Variants in CCDC33 observed in about 807,000 individuals in gnomAD.
CCDC33 encodes the protein coiled-coil domain-containing protein 33.
A neutral mutation model predicts 91.9 loss-of-function variants in CCDC33; 94 were observed. The observed-to-expected ratio is 1.02, with a 90% CI of 0.87 to 1.21. The LOEUF (loss-of-function observed/expected upper bound fraction) is 1.21. Among genes scored for constraint, CCDC33 ranks in the 50% most tolerant of loss-of-function variants. CCDC33 has a pLI of 0.00. For synonymous variants in CCDC33, 396 were observed against 374.5 expected (o/e 1.06, Z -0.66); for missense variants, 940 against 935.5 (o/e 1.00, Z -0.06).
intron 11 of CCDC33, among the ~76,000 whole-genome samples, chr15:74,306,013 T>A (rs1046644331): frequency 6.6e-6 from 1 of 152,198 alleles, no homozygotes; most frequent in East Asian, 1.9e-4. Context: ...CCGTCCACTT[T>A]GGCACTTTGC....
chr15:74,229,575 A>G (rs1408026492), intron 2 of CCDC33, among the ~76,000 whole-genome samples: 1 of 152,264 alleles, frequency 6.6e-6, no homozygotes. Context: ...GAGTTAACGT[A>G]TGTAAAACAC....
intron 11 of CCDC33, among the ~76,000 whole-genome samples, chr15:74,320,228 C>CA (rs1420776362): frequency 1.3e-5 from 2 of 152,164 alleles, no homozygotes; most frequent in Admixed American, 1.3e-4. Context: ...GGGCCTGCTC[C>CA]AGCTCTCTAG....
chr15:74,317,222 A>G (rs867275260), intron 11 of CCDC33, among the ~76,000 whole-genome samples: 1 of 152,234 alleles, frequency 6.6e-6, no homozygotes, highest in South Asian at 2.1e-4. Flanking sequence ...TTAGCCAGGC[A>G]TGGTGGCAGG....
chr15:74,330,810 G>A, intron 13 of CCDC33, 59 bp downstream of exon 13: 13 of 1,547,954 alleles, frequency 8.4e-6, no homozygotes, highest in Non-Finnish European at 1.2e-5. Flanking sequence ...GCATCGGGGT[G>A]AGAAGAGTCT....
At chr15:74,315,146 G>T (rs2060066775) in intron 11 of CCDC33, among the ~76,000 whole-genome samples, 1 of 152,234 alleles carries the variant, frequency 6.6e-6, no homozygotes, top group Admixed American at 6.5e-5. Flanking sequence ...CTCAGTGGAG[G>T]CCGTTGCAGG....
In CCDC33 at chr15:74,271,318, G is replaced by T. The variant is rs183178701; in HGVS notation, c.547-385G>T. 1.1e-4 allele frequency among the ~76,000 whole-genome samples: 16 copies of T among 152,172 alleles called. No individual in the cohort carries two copies. The East Asian group carries it at 3.1e-3, about 29-fold the overall frequency. ...TTGACTGACAGAAACCAAGGAGCTG[G>T]AACACCTAGCCCTACCCCTAGCCCA... On this transcript the variant is annotated intron_variant, in intron 5 of 18. Transcript: ENST00000398814.
At chr15:74,286,237 CTG>C (rs1324654078) in intron 10 of CCDC33, among the ~76,000 whole-genome samples, 2 of 152,152 alleles carry the variant, frequency 1.3e-5, no homozygotes, top group African/African-American at 4.8e-5. Flanking sequence ...CAGAGCAAGA[CTG>C]TGTCTCAAAA....
chr15:74,236,430 G>T lies in CCDC33; in HGVS notation c.-290G>T. 2.4e-6 allele frequency: 1 copy of T among 422,338 alleles called. No homozygotes were observed. The highest frequency in any genetic ancestry group is 4.2e-6 in the Non-Finnish European group (1 of 237,538). 26.2% of individuals were successfully genotyped at this position (422,338 alleles called of 1,614,324 possible). On this transcript the variant is annotated 5_prime_UTR_variant, in exon 1 of 19. Transcript: ENST00000398814. The stretch of plus-strand genomic sequence containing the variant: ...CCTCATTGCTGACCCTGTCCAGCTG[G>T]CCATGGCCCTCAACCCCCAAGGCCC...
chr15:74,227,723 A>G (rs1033193285), intron 2 of CCDC33, among the ~76,000 whole-genome samples: 1 of 152,228 alleles, frequency 6.6e-6, no homozygotes, highest in Non-Finnish European at 1.5e-5. Context: ...AAGGTTCAGT[A>G]GACAAACTTT....
intron 1 of CCDC33, among the ~76,000 whole-genome samples, chr15:74,243,034 C>T (rs1197093180): frequency 6.6e-6 from 1 of 152,220 alleles, no homozygotes; most frequent in Non-Finnish European, 1.5e-5. Context: ...TGTCTTCTCT[C>T]AGCAGCTCTC....
chr15:74,210,797 A>G (rs2074355214), intron 2 of CCDC33, among the ~76,000 whole-genome samples: 1 of 152,168 alleles, frequency 6.6e-6, no homozygotes, highest in Non-Finnish European at 1.5e-5. Flanking sequence ...AGTGACTTGG[A>G]AAAAGAGTGT....
chr15:74,246,904 T>C (rs1019379908), intron 2 of CCDC33, among the ~76,000 whole-genome samples: 1 of 152,184 alleles, frequency 6.6e-6, no homozygotes, highest in Admixed American at 6.5e-5. Context: ...CCCAGCACTT[T>C]GCGGGGCCGA....
intron 18 of CCDC33, 49 bp downstream of exon 18, chr15:74,335,137 G>T (rs765211483): frequency 7.1e-7 from 1 of 1,404,384 alleles, no homozygotes; most frequent in Non-Finnish European, 1.0e-6. Flanking sequence ...TGGTGGAGCA[G>T]GAAGCCACCG....
At chr15:74,234,532 C>T (rs2075084709), upstream of CCDC33, among the ~76,000 whole-genome samples, 1 of 152,128 alleles carries the variant, frequency 6.6e-6, no homozygotes, top group African/African-American at 2.4e-5. Flanking sequence ...GCTGGTGTCT[C>T]AGGGGTCCTT....
In CCDC33 at chr15:74,244,736, C is replaced by T. The variant is rs548281707; in HGVS notation, c.185+588C>T. On this transcript the variant is annotated intron_variant, in intron 2 of 18. Transcript: ENST00000398814. The surrounding 1 kb of genome is among the most constrained non-coding windows in gnomAD (Gnocchi z 4.2). The stretch of plus-strand genomic sequence containing the variant: ...CCACGCCACGTCTATGCCCACCTCA[C>T]GGGTCTCACTTCTTCCAGAAAGGCG... Among the ~76,000 whole-genome samples the T allele has an allele frequency of 6.6e-6, 1 of 152,328 alleles. No homozygotes were observed. Among genetic ancestry groups the T allele is most frequent in the Non-Finnish European group, 1.5e-5 (1 of 68,018 alleles).
At chr15:74,330,615 G>A (rs528815262) in intron 12 of CCDC33, 48 bp from the exon 13 acceptor site, 20 of 1,450,398 alleles carry the variant, frequency 1.4e-5, no homozygotes, top group Admixed American at 6.7e-5. Context: ...GCTGATTTGA[G>A]CTGGGAGAGG....
intron 4 of CCDC33, among the ~76,000 whole-genome samples, chr15:74,267,227 C>G (rs1399973881): frequency 6.6e-6 from 1 of 152,218 alleles, no homozygotes; most frequent in Non-Finnish European, 1.5e-5. Context: ...GGAGAAAAAT[C>G]TCCTCCTCCT....
intron 11 of CCDC33, among the ~76,000 whole-genome samples, chr15:74,309,067 G>A (rs995432890): frequency 6.6e-6 from 1 of 152,058 alleles, no homozygotes; most frequent in Non-Finnish European, 1.5e-5. Flanking sequence ...GGGCCCTCCT[G>A]CCTACCTCAG....
intron 2 of CCDC33, among the ~76,000 whole-genome samples, chr15:74,225,271 TGTG>T (rs1395931949): frequency 5.3e-5 from 8 of 151,798 alleles, no homozygotes; most frequent in Non-Finnish European, 1.2e-4. Flanking sequence ...GGAAGGGAAA[TGTG>T]GTGGCCTTCT....
Sources: allele counts gnomAD v4.1 joint callset (sites outside exome capture counted in the v4.1 genomes callset), GRCh38; gene constraint gnomAD v4.1.1; non-coding constraint Gnocchi (gnomAD v3.1); transcripts MANE v1.5; gene names NCBI Gene and HGNC (gene_info 2026-07-23, HGNC 2026-07-21).